XXYLT1: variants seen among roughly 807,000 people sequenced by gnomAD.
The protein encoded by XXYLT1 is xyloside xylosyltransferase 1, also known as UDP-xylose:alpha-xyloside alpha-1,3-xylosyltransferase.
XXYLT1 carries 20 observed loss-of-function variants against 28.9 expected under a neutral mutation model. The ratio of observed to expected loss-of-function variants is 0.69; its 90% CI spans 0.49 to 1.00. The LOEUF is 1.00. Among genes scored for constraint, XXYLT1 ranks in the 50% least tolerant of loss-of-function variants. The pLI, the probability that XXYLT1 is intolerant of heterozygous loss-of-function variation, is 0.00. For missense variants in XXYLT1, 542 were observed against 560.1 expected (o/e 0.97, Z 0.33); for synonymous variants, 257 against 253.8 (o/e 1.01, Z -0.12).
At chr3:195,107,552 GGAAGAGGGGGA>G (rs1560098266) in intron 3 of XXYLT1, among the ~76,000 whole-genome samples, 3 of 12,658 alleles carry the variant, frequency 2.4e-4, no homozygotes, top group Non-Finnish European at 3.7e-4. Flanking sequence ...AGGAGGAGGG[GGAAGAGGGGGA>G]GAGGAGGAGG....
At chr3:195,226,224 CCTT>C (rs1339659545) in intron 2 of XXYLT1, among the ~76,000 whole-genome samples, 1 of 152,194 alleles carries the variant, frequency 6.6e-6, no homozygotes, top group Admixed American at 6.5e-5. Flanking sequence ...CCCAGAAAAT[CCTT>C]CTAATTGCGC....
chr3:195,116,361 A>G (rs1718042734), intron 3 of XXYLT1, among the ~76,000 whole-genome samples: 1 of 151,932 alleles, frequency 6.6e-6, no homozygotes, highest in Non-Finnish European at 1.5e-5. Context: ...TTATCTGGGG[A>G]TCTCGTTAAA....
chr3:195,185,087 AAGGAAGGAAGGAAGGAAGG>A (rs199504444), intron 2 of XXYLT1, among the ~76,000 whole-genome samples: 2,853 of 55,100 alleles, frequency 0.052, 133 homozygotes, highest in African/African-American at 0.099. Context: ...AAGAAGGAAG[AAGGAAGGAAGGAAGGAAGG>A]AAGGAAGGAA....
chr3:195,151,755 T>G (rs972604521), intron 3 of XXYLT1, among the ~76,000 whole-genome samples: 1 of 152,112 alleles, frequency 6.6e-6, no homozygotes, highest in African/African-American at 2.4e-5. Flanking sequence ...TATGTGAAGT[T>G]CCATTTAATT....
At chr3:195,126,272 A>C (rs1426786354) in intron 3 of XXYLT1, among the ~76,000 whole-genome samples, 3 of 152,234 alleles carry the variant, frequency 2.0e-5, no homozygotes, top group African/African-American at 7.2e-5. Context: ...CACAGTAGCC[A>C]CAGAGCTAAG....
chr3:195,180,393 C>T lies in XXYLT1; in HGVS notation c.653-23812G>A, dbSNP rs1721891046. On this transcript the variant is annotated intron_variant, in intron 2 of 3. Transcript: ENST00000310380. This position sits in a 1 kb window ranked among gnomAD's most constrained non-coding sequence, Gnocchi z 5.8. ...CCCGCCTGGCCCTCAAGACACACTT[C>T]CTTCGGCTGCAGCCTCGCCGATTCC... The T allele has an allele frequency of 2.0e-6, 2 of 985,466 alleles. No individual in the cohort carries two copies. Among genetic ancestry groups the T allele is most frequent in the South Asian group, 4.7e-5 (1 of 21,296 alleles). 61.0% of individuals were successfully genotyped at this position (985,466 alleles called of 1,614,324 possible). A position where few individuals can be genotyped will look rare whatever the true frequency, so the allele number is the denominator to read the frequency against.
At chr3:195,071,627 C>A (rs1006379684) in intron 3 of XXYLT1, among the ~76,000 whole-genome samples, 7 of 152,032 alleles carry the variant, frequency 4.6e-5, no homozygotes, top group Admixed American at 4.6e-4. Context: ...GCTTCTCAAG[C>A]AAACTGAGAT....
chr3:195,242,170 G>A (rs1328244108), intron 1 of XXYLT1, among the ~76,000 whole-genome samples: 3 of 152,180 alleles, frequency 2.0e-5, no homozygotes, highest in Non-Finnish European at 2.9e-5. Flanking sequence ...ATGTTGCCCC[G>A]TGGCCCCGCA....
chr3:195,224,221 G>A (rs1430781049), intron 2 of XXYLT1, among the ~76,000 whole-genome samples: 1 of 152,218 alleles, frequency 6.6e-6, no homozygotes, highest in South Asian at 2.1e-4. Context: ...TGAAAAGACT[G>A]TGTGTTTGGG....
chr3:195,183,542 C>T (rs1722046763), intron 2 of XXYLT1: 1 of 152,204 alleles, frequency 6.6e-6, no homozygotes, highest in Admixed American at 6.5e-5. Context: ...CCACTGAACT[C>T]TTGGGATTCA....
chr3:195,137,778 CA>C (rs2108641467), intron 3 of XXYLT1, among the ~76,000 whole-genome samples: 1 of 152,344 alleles, frequency 6.6e-6, no homozygotes, highest in East Asian at 1.9e-4. Context: ...TACATGACAT[CA>C]TTGTATTCTC....
chr3:195,254,621 G>A (rs1408628208), intron 1 of XXYLT1, among the ~76,000 whole-genome samples: 1 of 152,184 alleles, frequency 6.6e-6, no homozygotes, highest in East Asian at 1.9e-4. Flanking sequence ...AGCCACCTGC[G>A]CCAGGCTGGG....
chr3:195,243,231 G>A (rs900144756), intron 1 of XXYLT1, among the ~76,000 whole-genome samples: 3 of 151,928 alleles, frequency 2.0e-5, no homozygotes, highest in Admixed American at 6.6e-5. Flanking sequence ...GAAGGGGGAA[G>A]GATAGCATTA....
At chr3:195,169,737 C>T (rs1001017317) in intron 2 of XXYLT1, among the ~76,000 whole-genome samples, 1 of 152,102 alleles carries the variant, frequency 6.6e-6, no homozygotes, top group Non-Finnish European at 1.5e-5. Context: ...AACACACACA[C>T]ACACTTTTGT....
chr3:195,144,217 G>A (rs1303120985), intron 3 of XXYLT1, among the ~76,000 whole-genome samples: 4 of 147,818 alleles, frequency 2.7e-5, no homozygotes, highest in Non-Finnish European at 6.0e-5. Flanking sequence ...ACTCCATCTC[G>A]AGTGTGATAT....
intron 3 of XXYLT1, among the ~76,000 whole-genome samples, chr3:195,105,224 C>G (rs1046720678): frequency 2.6e-5 from 4 of 152,184 alleles, no homozygotes; most frequent in Non-Finnish European, 5.9e-5. Context: ...TGGGACACAA[C>G]CAAGTGTGTC....
Position 195,145,016 on chromosome 3 carries a change from G to A in XXYLT1, c.785+11433C>T, listed in dbSNP as rs1417880223. The stretch of plus-strand genomic sequence containing the variant: ...CAATCTTCCAGGCTCTCTGAAAGCT[G>A]AATACCAATGAGCTGCAATTATACA... On this transcript the variant is annotated intron_variant, in intron 3 of 3. Transcript: ENST00000310380. 4.0e-5 allele frequency among the ~76,000 whole-genome samples: 6 copies of A among 148,380 alleles called. No individual in the cohort carries two copies. The East Asian group carries it at 1.3e-3, about 32-fold the overall frequency.
At chr3:195,261,242 G>A (rs1725690459) in intron 1 of XXYLT1, among the ~76,000 whole-genome samples, 1 of 152,084 alleles carries the variant, frequency 6.6e-6, no homozygotes, top group African/African-American at 2.4e-5. Context: ...AGCCCAGCCT[G>A]GCCAACATGG....
At position 195,193,820 on chromosome 3, in the gene XXYLT1, T is replaced by C. The variant is rs1200144011; in HGVS notation, c.652+32889A>G. The stretch of plus-strand genomic sequence containing the variant: ...TTGTAATTCAACGGGTAAAGGACAG[T>C]CAATTAGATATACAAATGCAAAAAA... On this transcript the variant is annotated intron_variant, in intron 2 of 3. Transcript: ENST00000310380. 1.3e-5 allele frequency among the ~76,000 whole-genome samples: 2 copies of C among 152,290 alleles called. 1 individual carries two copies. Among genetic ancestry groups the C allele is most frequent in the Admixed American group, 1.3e-4 (2 of 15,290 alleles).
Sources: allele counts gnomAD v4.1 joint callset (sites outside exome capture counted in the v4.1 genomes callset), GRCh38; gene constraint gnomAD v4.1.1; non-coding constraint Gnocchi (gnomAD v3.1); transcripts MANE v1.5; gene names NCBI Gene and HGNC (gene_info 2026-07-23, HGNC 2026-07-21).